LIN52: variants seen among roughly 807,000 people sequenced by gnomAD.
LIN52 encodes the protein protein lin-52 homolog.
LIN52 carries 4 observed loss-of-function variants against 18.5 expected under a neutral mutation model. The ratio of observed to expected loss-of-function variants is 0.22; its 90% confidence interval spans 0.11 to 0.49. The LOEUF is 0.49. Among genes scored for constraint, LIN52 ranks in the 20% least tolerant of loss-of-function variants. The pLI is 0.97. For missense variants in LIN52, 102 were observed against 139.5 expected (o/e 0.73, Z 1.35); for synonymous variants, 34 against 45.5 (o/e 0.75, Z 1.02).
intron 2 of LIN52, among the ~76,000 whole-genome samples, chr14:74,093,115 C>T (rs2060784393): frequency 6.6e-6 from 1 of 151,632 alleles, no homozygotes; most frequent in South Asian, 2.1e-4. Flanking sequence ...CAATGCTCAG[C>T]TAATTTTTGT....
chr14:74,130,588 A>ATTTTTTTT (rs34746271), intron 5 of LIN52, among the ~76,000 whole-genome samples: 2 of 72,960 alleles, frequency 2.7e-5, no homozygotes, highest in Non-Finnish European at 2.4e-5. Flanking sequence ...TAAATTGGCC[A>ATTTTTTTT]TTTTTTTTTT....
At chr14:74,193,993 C>T (rs1244802874) in intron 5 of LIN52, among the ~76,000 whole-genome samples, 2 of 152,208 alleles carry the variant, frequency 1.3e-5, no homozygotes, top group African/African-American at 2.4e-5. Context: ...CTATGAGTTT[C>T]TTCCACTTCA....
chr14:74,199,543 T>C lies in LIN52; in HGVS notation c.*566T>C, dbSNP rs2078934212. 1.3e-5 allele frequency: 2 copies of C among 152,272 alleles called. No individual in the cohort carries two copies. The highest frequency in any genetic ancestry group is 3.2e-3 in the Middle Eastern group (1 of 316). The allele number at this position is 152,272 out of a possible 1,614,324, so 9.4% of individuals were successfully genotyped here. On this transcript the variant is annotated 3_prime_UTR_variant, in exon 6 of 6. Transcript: ENST00000555028. ...CTTCTCGAAATGTATATCTGTTTTT[T>C]AAAACTTCTATACCTCTTATGATAG...
chr14:74,152,855 G>T (rs2061182301), intron 5 of LIN52, among the ~76,000 whole-genome samples: 1 of 151,464 alleles, frequency 6.6e-6, no homozygotes, highest in Non-Finnish European at 1.5e-5. Context: ...AGCTACTCAG[G>T]TGGCTGAGGC....
intron 5 of LIN52, among the ~76,000 whole-genome samples, chr14:74,158,131 T>TTC (rs2061208204): frequency 6.6e-6 from 1 of 150,978 alleles, no homozygotes; most frequent in African/African-American, 2.4e-5. Context: ...ATATATTTTT[T>TTC]TGAGATAGAG....
chr14:74,107,857 TG>T (rs1299565902), intron 5 of LIN52, among the ~76,000 whole-genome samples: 6 of 152,244 alleles, frequency 3.9e-5, no homozygotes, highest in Admixed American at 6.5e-5. Context: ...CTCTTTTTTT[TG>T]GGTAACAGCT....
chr14:74,114,131 C>T (rs557654887), intron 5 of LIN52: 221 of 984,388 alleles, frequency 2.2e-4, no homozygotes, highest in Middle Eastern at 1.6e-3. Flanking sequence ...CAGGTGTGAG[C>T]CACAGCGCCC....
chr14:74,092,478 G>A (rs1431053134), intron 2 of LIN52, among the ~76,000 whole-genome samples: 1 of 149,310 alleles, frequency 6.7e-6, no homozygotes, highest in Non-Finnish European at 1.5e-5. Context: ...CTAATTTTTT[G>A]TATTTTTAGT....
intron 4 of LIN52, among the ~76,000 whole-genome samples, chr14:74,098,348 G>A (rs775342314): frequency 1.7e-4 from 26 of 151,738 alleles, no homozygotes; most frequent in Non-Finnish European, 2.9e-4. Flanking sequence ...ACGAAACCAC[G>A]TCTCTACTAA....
intron 5 of LIN52, among the ~76,000 whole-genome samples, chr14:74,126,598 C>G (rs867515955): frequency 2.0e-5 from 3 of 152,164 alleles, no homozygotes; most frequent in African/African-American, 7.2e-5. Flanking sequence ...AATAAATCTT[C>G]AAAATATTAT....
intron 5 of LIN52, among the ~76,000 whole-genome samples, chr14:74,137,499 T>TC (rs367954806): frequency 4.9e-5 from 2 of 40,648 alleles, no homozygotes; most frequent in African/African-American, 8.8e-5. Context: ...AGCAGCTCTC[T>TC]TTTTTTTTTT....
chr14:74,171,191 A>G (rs2061269143), intron 5 of LIN52, among the ~76,000 whole-genome samples: 1 of 152,028 alleles, frequency 6.6e-6, no homozygotes, highest in South Asian at 2.1e-4. Context: ...CAGCCTGGAC[A>G]ACATAGCAAG....
intron 5 of LIN52, among the ~76,000 whole-genome samples, chr14:74,103,477 G>T (rs2060874303): frequency 6.8e-6 from 1 of 146,500 alleles, no homozygotes; most frequent in South Asian, 2.1e-4. Flanking sequence ...TTGTTGCCCA[G>T]GCTGGAGTGC....
At chr14:74,188,547 C>T (rs986674975) in intron 5 of LIN52, among the ~76,000 whole-genome samples, 2 of 151,906 alleles carry the variant, frequency 1.3e-5, no homozygotes, top group African/African-American at 4.8e-5. Flanking sequence ...GCCCCTCCTC[C>T]CTCCACCCCC....
chr14:74,180,191 A>C (rs2358631), intron 5 of LIN52, among the ~76,000 whole-genome samples: 1 of 151,576 alleles, frequency 6.6e-6, no homozygotes, highest in African/African-American at 2.4e-5. Flanking sequence ...AAAGCTCTCT[A>C]CCTGCATAGT....
At chr14:74,092,489 A>G (rs1489589986) in intron 2 of LIN52, among the ~76,000 whole-genome samples, 1 of 148,908 alleles carries the variant, frequency 6.7e-6, no homozygotes, top group East Asian at 2.0e-4. Flanking sequence ...TATTTTTAGT[A>G]GAGACAGGGT....
At chr14:74,116,439 C>T (rs1286009859) in intron 5 of LIN52, among the ~76,000 whole-genome samples, 1 of 152,160 alleles carries the variant, frequency 6.6e-6, no homozygotes, top group African/African-American at 2.4e-5. Context: ...GCCACTGTGG[C>T]TTACGCCTGT....
intron 5 of LIN52, among the ~76,000 whole-genome samples, chr14:74,117,936 T>A (rs905088654): frequency 6.6e-5 from 10 of 152,186 alleles, no homozygotes; most frequent in Admixed American, 2.6e-4. Flanking sequence ...CCAAAAAAAA[T>A]TTGAAAAATA....
Position 74,200,399 on chromosome 14 carries a change from T to A in LIN52, c.*1422T>A. ...CTGCACTCCAGCCTGGGCAACAGAG[T>A]GAGACTCTGTCTCAGAAAAAAAAAA... On this transcript the variant is annotated 3_prime_UTR_variant, in exon 6 of 6. Transcript: ENST00000555028. 8.3e-6 allele frequency: 1 copy of A among 120,744 alleles called. No homozygotes were observed. The highest frequency in any genetic ancestry group is 3.4e-5 in the African/African-American group (1 of 29,226). 7.5% of individuals were successfully genotyped at this position (120,744 alleles called of 1,614,324 possible). A position where few individuals can be genotyped will look rare whatever the true frequency, so the allele number is the denominator to read the frequency against.
Sources: allele counts gnomAD v4.1 joint callset (sites outside exome capture counted in the v4.1 genomes callset), GRCh38; gene constraint gnomAD v4.1.1; transcripts MANE v1.5; gene names NCBI Gene and HGNC (gene_info 2026-07-23, HGNC 2026-07-21).